SEC62: variants seen among roughly 807,000 people sequenced by gnomAD.
SEC62 encodes the protein translocation protein SEC62.
SEC62 carries 10 observed loss-of-function variants against 47.5 expected under a neutral mutation model. That is an observed-to-expected ratio of 0.21 (90% CI 0.13 to 0.36). SEC62 has a LOEUF of 0.36. SEC62 is among the 10% of genes least tolerant of loss of function. The pLI, the probability that SEC62 is intolerant of heterozygous loss-of-function variation, is 1.00. For missense variants in SEC62, 327 were observed against 464.1 expected, an observed-to-expected ratio of 0.70 and a Z score of 2.71; for synonymous variants, 136 against 150.5, an observed-to-expected ratio of 0.90 and a Z score of 0.71.
rs1198371499 is a variant in SEC62, at chr3:169,985,878, A to G, written c.610+13A>G. The stretch of plus-strand genomic sequence containing the variant: ...GGATTAATTCTTGGTAAGTAGTGAG[A>G]TGTTAATAGCTATAAAGTGCAATCT... On this transcript the variant is annotated intron_variant, in intron 6 of 7. Coordinates refer to ENST00000337002, the MANE Select transcript of SEC62 (RefSeq NM_003262.4). 1.3e-6 allele frequency: 2 copies of G among 1,589,196 alleles called. No individual in the cohort carries two copies. The highest frequency in any genetic ancestry group is 1.7e-6 in the Non-Finnish European group (2 of 1,159,122).
At chr3:169,984,458 A>G (rs1715051065) in intron 5 of SEC62, among the ~76,000 whole-genome samples, 1 of 152,184 alleles carries the variant, frequency 6.6e-6, no homozygotes, top group Non-Finnish European at 1.5e-5. Context: ...GAAGGGTCTA[A>G]AGGACATTTG....
chr3:169,984,327 A>G (rs1197213750), intron 5 of SEC62, among the ~76,000 whole-genome samples: 1 of 152,206 alleles, frequency 6.6e-6, no homozygotes, highest in East Asian at 1.9e-4. Context: ...AAGTAGGATA[A>G]AATCTCTTAA....
At chr3:169,983,096 C>T in intron 4 of SEC62, 65 bp from the exon 5 acceptor site, 1 of 1,464,688 alleles carries the variant, frequency 6.8e-7, no homozygotes, top group Non-Finnish European at 9.3e-7. Context: ...AGTTTTTTGA[C>T]TGTATGAACA....
intron 1 of SEC62, among the ~76,000 whole-genome samples, chr3:169,971,370 C>CCT (rs2108279576): frequency 6.6e-6 from 1 of 152,278 alleles, no homozygotes; most frequent in East Asian, 1.9e-4. Context: ...CTGAGCCCTG[C>CCT]CTCTCATGGT....
chr3:169,990,005 ATC>A (rs1715203402), intron 7 of SEC62, among the ~76,000 whole-genome samples: 2 of 90,812 alleles, frequency 2.2e-5, no homozygotes, highest in African/African-American at 9.1e-5. Flanking sequence ...TATATGATAT[ATC>A]ATAATATTAT....
At chr3:169,971,091 G>A (rs1714688583) in intron 1 of SEC62, among the ~76,000 whole-genome samples, 1 of 147,110 alleles carries the variant, frequency 6.8e-6, no homozygotes, top group South Asian at 2.1e-4. Flanking sequence ...TTTTTAAAGA[G>A]ACAAGGTCTC....
At chr3:169,979,748 T>C (rs1714926675) in intron 3 of SEC62, among the ~76,000 whole-genome samples, 1 of 152,212 alleles carries the variant, frequency 6.6e-6, no homozygotes, top group African/African-American at 2.4e-5. Flanking sequence ...ACTGAGTTTA[T>C]CAAGTTAGTA....
intron 3 of SEC62, among the ~76,000 whole-genome samples, chr3:169,980,636 GTTTGTTTTTAAAATTCTT>G (rs1714950224): frequency 6.6e-6 from 1 of 152,096 alleles, no homozygotes; most frequent in Admixed American, 6.5e-5. Flanking sequence ...AAGTTGCATT[GTTTGTTTTTAAAATTCTT>G]TATTAAGAAT....
intron 7 of SEC62, among the ~76,000 whole-genome samples, chr3:169,990,683 ATC>A (rs1421635699): frequency 2.6e-5 from 4 of 152,210 alleles, no homozygotes; most frequent in Admixed American, 1.3e-4. Flanking sequence ...TAAATTCATT[ATC>A]TCTGTTTATC....
At chr3:169,990,002 TATATC>T (rs531713273) in intron 7 of SEC62, among the ~76,000 whole-genome samples, 4,834 of 99,800 alleles carry the variant, frequency 0.048, 253 homozygotes, top group African/African-American at 0.15. Flanking sequence ...AGATATATGA[TATATC>T]ATAATATTAT....
intron 1 of SEC62, among the ~76,000 whole-genome samples, chr3:169,972,445 C>T (rs1309239480): frequency 1.3e-5 from 2 of 152,112 alleles, no homozygotes; most frequent in Non-Finnish European, 2.9e-5. Context: ...TGGGTGCTTT[C>T]ACTTTGTTGC....
chr3:169,980,161 A>G (rs1290998197), intron 3 of SEC62, among the ~76,000 whole-genome samples: 2 of 152,320 alleles, frequency 1.3e-5, no homozygotes, highest in South Asian at 2.1e-4. Context: ...ACTAATCACA[A>G]TGCAGTGTGT....
At chr3:169,976,805 A>C in intron 2 of SEC62, 141 bp from the exon 3 acceptor site, 1 of 481,654 alleles carries the variant, frequency 2.1e-6, no homozygotes, top group Non-Finnish European at 3.6e-6. Flanking sequence ...ACTAATCATG[A>C]TCATGTTAGA....
At chr3:169,982,193 T>TGG (rs1032258690) in intron 3 of SEC62, among the ~76,000 whole-genome samples, 2 of 152,188 alleles carry the variant, frequency 1.3e-5, no homozygotes, top group Admixed American at 1.3e-4. Flanking sequence ...ATTGCTTAAT[T>TGG]GAAGATAATC....
intron 1 of SEC62, among the ~76,000 whole-genome samples, chr3:169,968,737 A>T (rs1714618238): frequency 6.6e-6 from 1 of 152,218 alleles, no homozygotes; most frequent in Non-Finnish European, 1.5e-5. Flanking sequence ...CTGAAGAAAG[A>T]TTAACAACCC....
At chr3:169,967,727 A>G (rs1714576920) in intron 1 of SEC62, among the ~76,000 whole-genome samples, 4 of 152,204 alleles carry the variant, frequency 2.6e-5, no homozygotes, top group Non-Finnish European at 5.9e-5. Flanking sequence ...TCGTCTCATC[A>G]GCTGATGTGC....
chr3:169,978,021 C>G (rs1038379170), intron 3 of SEC62, among the ~76,000 whole-genome samples: 2 of 152,062 alleles, frequency 1.3e-5, no homozygotes, highest in African/African-American at 4.8e-5. Flanking sequence ...GGCTCATGCC[C>G]GTAATCCCAG....
intron 1 of SEC62, among the ~76,000 whole-genome samples, chr3:169,969,076 A>G: frequency 6.6e-6 from 1 of 152,360 alleles, no homozygotes; most frequent in Middle Eastern, 3.4e-3. Flanking sequence ...CTTACAAAAA[A>G]GATCCTGTTG....
Position 169,977,017 on chromosome 3 carries a change from A to T in SEC62, c.217A>T (p.Thr73Ser). Residue 73 changes from threonine (T) to serine (S), a missense_variant, in exon 3 of 8, where the codon ACA (threonine) becomes TCA (serine). Physicochemically the swap from Thr to Ser is moderately conservative, Grantham distance 58. Transcript: ENST00000337002. ...KAKKGEEALFTTRESVVDYCN... is the reference protein window; with the variant it reads ...KAKKGEEALFSTRESVVDYCN... Reference sequence around the variant, plus strand: ...CAAGAAAGGAGAGGAAGCTTTATTTACAACCAGGGAGTCTGTGGTTGACTA... The same window carrying T: ...CAAGAAAGGAGAGGAAGCTTTATTTTCAACCAGGGAGTCTGTGGTTGACTA... The T allele has an allele frequency of 6.2e-7, 1 of 1,611,678 alleles. No homozygotes were observed. The highest frequency in any genetic ancestry group is 8.5e-7 in the Non-Finnish European group (1 of 1,178,408).
Sources: allele counts gnomAD v4.1 joint callset (sites outside exome capture counted in the v4.1 genomes callset), GRCh38; gene constraint gnomAD v4.1.1; transcripts MANE v1.5; gene names NCBI Gene and HGNC (gene_info 2026-07-23, HGNC 2026-07-21).